Variants in ABCD4 observed in about 807,000 individuals in gnomAD.
ABCD4 encodes lysosomal cobalamin transporter ABCD4.
Under a neutral mutation model 86.3 loss-of-function variants are expected in ABCD4, and 53 were observed. That is an observed-to-expected ratio of 0.61 (90% CI 0.49 to 0.77). ABCD4 has a LOEUF of 0.77. ABCD4 is among the 30% of genes least tolerant of loss of function. The pLI is 0.00. For missense variants in ABCD4, 757 were observed against 764.5 expected (o/e 0.99, Z 0.12); for synonymous variants, 328 against 313.6 (o/e 1.05, Z -0.49).
In ABCD4 at chr14:74,298,008, G is replaced by A; in HGVS notation, c.347C>T (p.Thr116Ile). ...LLYVSWRKDL[T>I]EHLHRLYFRG... Reference sequence around the variant, plus strand: ...GAAGTAGAGGCGGTGAAGGTGCTCAGTGAGGTCCTTCCTCCAGCTCACATA... The same window carrying A: ...GAAGTAGAGGCGGTGAAGGTGCTCAATGAGGTCCTTCCTCCAGCTCACATA... The change falls in exon 4 of 19, where the codon ACT (threonine) becomes ATT (isoleucine). Residue 116 changes from threonine to isoleucine, a missense_variant. Physicochemically the swap from Thr to Ile is moderately conservative, Grantham distance 89. Coordinates refer to ENST00000356924, the MANE Select transcript of ABCD4 (RefSeq NM_005050.4). 1 of 1,614,034 alleles carries A rather than the reference G, an allele frequency of 6.2e-7. No homozygotes were observed. The highest frequency in any genetic ancestry group is 1.1e-5 in the South Asian group (1 of 91,056).
chr14:74,299,369 T>C, intron 3 of ABCD4, 179 bp downstream of exon 3: 1 of 717,512 alleles, frequency 1.4e-6, no homozygotes, highest in Non-Finnish European at 2.3e-6. Flanking sequence ...CAGTCCCACG[T>C]GGGCCAATAG....
chr14:74,297,031 A>G (rs2083048107), intron 4 of ABCD4: 1 of 152,544 alleles, frequency 6.6e-6, no homozygotes, highest in Non-Finnish European at 1.5e-5. Context: ...CCCAACCAAC[A>G]AAGTGCTTGC....
intron 11 of ABCD4, among the ~76,000 whole-genome samples, 184 bp from the exon 12 acceptor site, chr14:74,290,683 C>CTTTTT (rs35144250): frequency 5.8e-5 from 6 of 103,958 alleles, no homozygotes; most frequent in African/African-American, 1.6e-4. Context: ...GAGGCAGGGT[C>CTTTTT]TTTTTTTTTT....
chr14:74,299,613 T>C lies in ABCD4; in HGVS notation c.220A>G (p.Lys74Glu), dbSNP rs1390409991. 1 of 1,614,010 alleles carries C rather than the reference T, an allele frequency of 6.2e-7. No individual in the cohort carries two copies. Among genetic ancestry groups the C allele is most frequent in the South Asian group, 1.1e-5 (1 of 91,070 alleles). Residue 74 changes from lysine to glutamate, a missense_variant, in exon 3 of 19, where the codon AAA (lysine) becomes GAA (glutamate). Coordinates refer to ENST00000356924, the MANE Select transcript of ABCD4 (RefSeq NM_005050.4). ...PSQYYGVLGN[K>E]DLEGFKTLTF... is the part of the protein sequence containing the mutation. Reference sequence around the variant, plus strand: ...AGAGTCTTAAACCCTTCCAAGTCTTTGTTTCCCAGGACCCCATAGTACTGA... The same window carrying C: ...AGAGTCTTAAACCCTTCCAAGTCTTCGTTTCCCAGGACCCCATAGTACTGA...
intron 17 of ABCD4, 38 bp from the exon 18 acceptor site, chr14:74,286,854 T>C (rs537670819): frequency 1.3e-6 from 2 of 1,581,994 alleles, no homozygotes; most frequent in Admixed American, 1.7e-5. Flanking sequence ...ATCAAAGCCC[T>C]GCCCTCTGCC....
chr14:74,293,265 G>C lies in ABCD4; in HGVS notation c.720-17C>G. ...TGCCCAGCTCTGACAAGGAAAGGCT[G>C]GGATGTCCACAGGGCTGGAGAGGTT... On this transcript the variant is annotated splice_polypyrimidine_tract_variant and intron_variant, in intron 7 of 18. Coordinates refer to ENST00000356924, the MANE Select transcript of ABCD4 (RefSeq NM_005050.4). 1 of 1,613,692 alleles carries C rather than the reference G, an allele frequency of 6.2e-7. No individual in the cohort carries two copies. Among genetic ancestry groups the C allele is most frequent in the Non-Finnish European group, 8.5e-7 (1 of 1,179,732 alleles).
At chr14:74,288,466 A>T in intron 15 of ABCD4, 1 of 651,780 alleles carries the variant, frequency 1.5e-6, no homozygotes, top group Non-Finnish European at 2.6e-6. Context: ...GACTTGCTGG[A>T]GCATGATGAC....
At chr14:74,294,933 T>G in intron 7 of ABCD4, 2 of 593,198 alleles carry the variant, frequency 3.4e-6, no homozygotes, top group Non-Finnish European at 6.0e-6. Flanking sequence ...AGACTAAAGC[T>G]GGCCACAGTA....
Position 74,300,370 on chromosome 14 carries a change from C to A in ABCD4, c.39-102G>T. 3 of 734,140 alleles carry A rather than the reference C, an allele frequency of 4.1e-6. No individual in the cohort carries two copies. The South Asian group carries it at 5.3e-5, about 13-fold the overall frequency. The allele number at this position is 734,140 out of a possible 1,614,324, so 45.5% of individuals were successfully genotyped here. On this transcript the variant is annotated intron_variant, in intron 1 of 18. Transcript: ENST00000356924. ...ACATTGTTCTGTAGAGGGTCCAGGC[C>A]ATGCAGAAAGAATGGTTTTCAAATG...
At chr14:74,295,346 T>C (rs1403497367) in intron 6 of ABCD4, 148 bp from the exon 7 acceptor site, 4 of 869,718 alleles carry the variant, frequency 4.6e-6, no homozygotes, top group Non-Finnish European at 7.2e-6. Flanking sequence ...CCTGGACTGT[T>C]ATGGGGTAGA....
chr14:74,300,535 T>C (rs933487875), intron 1 of ABCD4, among the ~76,000 whole-genome samples: 5 of 145,270 alleles, frequency 3.4e-5, no homozygotes, highest in Non-Finnish European at 7.5e-5. Context: ...GAGGTTGCAG[T>C]GAGCTGAGAT....
chr14:74,289,609 A>G, intron 13 of ABCD4, 90 bp from the exon 14 acceptor site: 1 of 1,545,490 alleles, frequency 6.5e-7, no homozygotes, highest in Non-Finnish European at 8.8e-7. Flanking sequence ...ACCCACTGGA[A>G]CCTCCCAAGG....
At chr14:74,302,832 G>A (rs756590278) in intron 1 of ABCD4, 43 bp downstream of exon 1, 6 of 1,596,434 alleles carry the variant, frequency 3.8e-6, no homozygotes, top group South Asian at 2.3e-5. Flanking sequence ...CCTACAGCCC[G>A]GAACTCCTGC....
chr14:74,296,014 T>C, intron 5 of ABCD4, 35 bp from the exon 6 acceptor site: 1 of 1,570,250 alleles, frequency 6.4e-7, no homozygotes, highest in Non-Finnish European at 8.6e-7. Context: ...AGGGAGAGGG[T>C]GTGGGGTGCC....
chr14:74,302,869 G>C lies in ABCD4; in HGVS notation c.38+6C>G. 1 of 1,607,306 alleles carries C rather than the reference G, an allele frequency of 6.2e-7. No homozygotes were observed. The highest frequency in any genetic ancestry group is 8.5e-7 in the Non-Finnish European group (1 of 1,177,182). On this transcript the variant is annotated splice_donor_region_variant and intron_variant, in intron 1 of 18. Transcript: ENST00000356924. ...CCCAAACCTCCTCCCCGACCGCCCT[G>C]CTTACCTGGCGCCAGCTCCGGGCGC...
intron 14 of ABCD4, 181 bp downstream of exon 14, chr14:74,289,302 A>C: frequency 7.1e-7 from 1 of 1,402,184 alleles, no homozygotes; most frequent in Non-Finnish European, 9.3e-7. Flanking sequence ...GACAGAAAGA[A>C]TGAGGTGAGA....
At chr14:74,288,346 TAC>T in intron 15 of ABCD4, 87 bp from the exon 16 acceptor site, 12 of 1,308,900 alleles carry the variant, frequency 9.2e-6, no homozygotes, top group Non-Finnish European at 1.2e-5. Flanking sequence ...CTCCCCAGCA[TAC>T]ACACACACCT....
chr14:74,299,659 G>A lies in ABCD4; in HGVS notation c.174C>T (p.Tyr58=), dbSNP rs1446667402. Residue 58 remains tyrosine, a synonymous_variant, in exon 3 of 19, where the codon TAC becomes TAT. Coordinates refer to ENST00000356924, the MANE Select transcript of ABCD4 (RefSeq NM_005050.4). ...CLTLLEQFVI[Y]QVGLIPSQYY... is the part of the protein sequence containing the mutation. ...ACTGACTGGGGATCAAGCCAACCTG[G>A]TAGATCACAAATTGCTCTGAAAGGA... 3.7e-6 allele frequency: 6 copies of A among 1,612,828 alleles called. No homozygotes were observed. The highest frequency in any genetic ancestry group is 5.1e-6 in the Non-Finnish European group (6 of 1,179,416).
At chr14:74,296,158 G>A (rs1301697202) in intron 5 of ABCD4, among the ~76,000 whole-genome samples, 175 bp downstream of exon 5, 1 of 152,190 alleles carries the variant, frequency 6.6e-6, no homozygotes, top group Non-Finnish European at 1.5e-5. Flanking sequence ...GGATATCTGT[G>A]ACACTGCAAC....
Sources: allele counts gnomAD v4.1 joint callset (sites outside exome capture counted in the v4.1 genomes callset), GRCh38; gene constraint gnomAD v4.1.1; transcripts MANE v1.5; gene names NCBI Gene and HGNC (gene_info 2026-07-23, HGNC 2026-07-21).